Variants in CCDC192 observed in about 807,000 individuals in gnomAD.
The protein encoded by CCDC192 is coiled-coil domain-containing protein 192.
intron 3 of CCDC192, among the ~76,000 whole-genome samples, chr5:127,780,571 T>C (rs998139053): frequency 1.3e-5 from 2 of 152,138 alleles, no homozygotes; most frequent in Non-Finnish European, 2.9e-5. Context: ...TCCTGATCAT[T>C]AGTGATGTTG....
At chr5:127,902,582 A>C (rs1753068895) in intron 6 of CCDC192, among the ~76,000 whole-genome samples, 1 of 152,210 alleles carries the variant, frequency 6.6e-6, no homozygotes, top group Admixed American at 6.5e-5. Context: ...CATATTTGGC[A>C]GTGAAAGTCA....
intron 2 of CCDC192, among the ~76,000 whole-genome samples, chr5:127,747,265 C>A (rs899899316): frequency 1.6e-4 from 25 of 151,836 alleles, no homozygotes; most frequent in African/African-American, 6.1e-4. Flanking sequence ...CCTCTCCCCA[C>A]CCCGCAACAG....
intron 3 of CCDC192, among the ~76,000 whole-genome samples, chr5:127,775,953 A>G (rs1289410591): frequency 2.0e-5 from 3 of 152,188 alleles, no homozygotes; most frequent in Non-Finnish European, 4.4e-5. Context: ...TTGTGAGTCC[A>G]TGAAACCTCT....
chr5:127,874,248 G>T (rs1436436812), intron 5 of CCDC192, among the ~76,000 whole-genome samples: 1 of 152,152 alleles, frequency 6.6e-6, no homozygotes, highest in Non-Finnish European at 1.5e-5. Context: ...TCCCCTTAAA[G>T]AAGTTCCATG....
intron 3 of CCDC192, chr5:127,786,919 A>T: frequency 2.4e-6 from 1 of 418,756 alleles, no homozygotes; most frequent in Non-Finnish European, 4.6e-6. Context: ...AGCTCCATGT[A>T]TCTGGACCTG....
At chr5:127,840,984 C>T (rs927055704) in intron 5 of CCDC192, among the ~76,000 whole-genome samples, 1 of 152,148 alleles carries the variant, frequency 6.6e-6, no homozygotes, top group Non-Finnish European at 1.5e-5. Context: ...TCAACCAGAA[C>T]CCTGACCTTT....
chr5:127,861,206 C>T (rs974041015), intron 5 of CCDC192, among the ~76,000 whole-genome samples: 2 of 151,800 alleles, frequency 1.3e-5, no homozygotes, highest in East Asian at 3.9e-4. Flanking sequence ...TGGGGTTTCT[C>T]CATGTTGGTC....
intron 2 of CCDC192, among the ~76,000 whole-genome samples, chr5:127,713,000 C>T (rs1751425144): frequency 6.6e-6 from 1 of 152,034 alleles, no homozygotes; most frequent in Admixed American, 6.6e-5. Context: ...TTTGGGAGGC[C>T]GAGGTGGGCG....
chr5:127,929,906 C>T (rs1753971244), intron 6 of CCDC192, among the ~76,000 whole-genome samples: 1 of 151,988 alleles, frequency 6.6e-6, no homozygotes, highest in Admixed American at 6.6e-5. Context: ...AACATGCAGT[C>T]CAAAAGATGG....
chr5:127,940,960 C>A, intron 6 of CCDC192: 1 of 367,032 alleles, frequency 2.7e-6, no homozygotes, highest in Non-Finnish European at 4.8e-6. Flanking sequence ...TGTACACTCT[C>A]AAGAGGCTCC....
chr5:127,898,585 A>G (rs542166153), intron 6 of CCDC192, among the ~76,000 whole-genome samples: 1 of 152,268 alleles, frequency 6.6e-6, no homozygotes, highest in South Asian at 2.1e-4. Flanking sequence ...AGGGAGGAGG[A>G]AGGGAGAGGT....
chr5:127,868,176 C>T (rs1751695474), intron 5 of CCDC192, among the ~76,000 whole-genome samples: 1 of 151,930 alleles, frequency 6.6e-6, no homozygotes, highest in Admixed American at 6.6e-5. Context: ...CCAAAAAGTC[C>T]CGCTACTTCT....
intron 2 of CCDC192, among the ~76,000 whole-genome samples, chr5:127,742,711 A>T (rs1753491328): frequency 6.6e-6 from 1 of 152,188 alleles, no homozygotes; most frequent in African/African-American, 2.4e-5. Flanking sequence ...AATAATTTCC[A>T]TGTACCACCA....
intron 5 of CCDC192, among the ~76,000 whole-genome samples, chr5:127,842,432 G>T (rs1372980551): frequency 1.3e-5 from 2 of 152,144 alleles, no homozygotes; most frequent in African/African-American, 4.8e-5. Context: ...TCCCCAGGCT[G>T]ATCTTGACAT....
chr5:127,871,777 G>T (rs1751873658), intron 5 of CCDC192, among the ~76,000 whole-genome samples: 2 of 152,218 alleles, frequency 1.3e-5, no homozygotes, highest in African/African-American at 4.8e-5. Context: ...TCAGCAATAT[G>T]ATACGAATAG....
chr5:127,757,615 A>C (rs529643469), intron 3 of CCDC192, among the ~76,000 whole-genome samples: 1 of 151,966 alleles, frequency 6.6e-6, no homozygotes, highest in Non-Finnish European at 1.5e-5. Flanking sequence ...GGAGAAACTG[A>C]TATTTCCTAA....
At chr5:127,839,292 T>C (rs571682415) in intron 5 of CCDC192, among the ~76,000 whole-genome samples, 4 of 152,256 alleles carry the variant, frequency 2.6e-5, no homozygotes, top group African/African-American at 7.2e-5. Context: ...GAACATATAA[T>C]AGCAAGGGGA....
chr5:127,868,857 A>C (rs1229985725), intron 5 of CCDC192, among the ~76,000 whole-genome samples: 1 of 152,190 alleles, frequency 6.6e-6, no homozygotes, highest in African/African-American at 2.4e-5. Flanking sequence ...TGGGTAAGAC[A>C]CTGAGGCATG....
chr5:127,811,812 A>C (rs764610834), intron 5 of CCDC192, among the ~76,000 whole-genome samples: 96 of 152,154 alleles, frequency 6.3e-4, no homozygotes, highest in Non-Finnish European at 1.1e-3. Context: ...TCTGAGAAGA[A>C]AAGGGAGACT....
Sources: allele counts gnomAD v4.1 joint callset (sites outside exome capture counted in the v4.1 genomes callset), GRCh38; gene constraint gnomAD v4.1.1; transcripts MANE v1.5; gene names NCBI Gene and HGNC (gene_info 2026-07-23, HGNC 2026-07-21).